EFR3A: variants seen among roughly 807,000 people sequenced by gnomAD.
The protein encoded by EFR3A is protein EFR3 homolog A.
EFR3A carries 76 observed loss-of-function variants against 104.4 expected under a neutral mutation model. That is an observed-to-expected ratio of 0.73 (90% CI 0.60 to 0.88). EFR3A has a LOEUF of 0.88. EFR3A is among the 40% of genes least tolerant of loss of function. The pLI is 0.00. For synonymous variants in EFR3A, 330 were observed against 330.0 expected (o/e 1.00, Z 0.00); for missense variants, 985 against 1,012.5 (o/e 0.97, Z 0.37).
At chr8:131,977,239 T>A (rs1820369581) in intron 12 of EFR3A, 147 bp downstream of exon 12, 1 of 538,100 alleles carries the variant, frequency 1.9e-6, no homozygotes, top group Admixed American at 4.0e-5. Context: ...TTAAAGATTA[T>A]CCAATTTTTT....
chr8:131,931,534 G>A (rs1817610903), intron 1 of EFR3A, among the ~76,000 whole-genome samples: 1 of 151,964 alleles, frequency 6.6e-6, no homozygotes, highest in Non-Finnish European at 1.5e-5. Context: ...TTTGTTTTCT[G>A]TAATGTTGAT....
intron 2 of EFR3A, among the ~76,000 whole-genome samples, chr8:131,942,986 T>C (rs979011732): frequency 6.6e-6 from 1 of 152,058 alleles, no homozygotes; most frequent in Admixed American, 6.6e-5. Flanking sequence ...GCAAAGGACA[T>C]GGGAAATCTT....
chr8:131,961,405 T>G (rs10108872), intron 8 of EFR3A, among the ~76,000 whole-genome samples: 40,667 of 151,984 alleles, frequency 0.27, 6,258 homozygotes, highest in East Asian at 0.49. Context: ...CGAGAACTAC[T>G]TGACGAATGC....
chr8:131,950,226 A>C (rs537830601), intron 5 of EFR3A, 136 bp downstream of exon 5: 2 of 957,834 alleles, frequency 2.1e-6, no homozygotes, highest in African/African-American at 1.7e-5. Context: ...AGAAGCTATA[A>C]TTGCTGACTG....
intron 1 of EFR3A, chr8:131,938,344 T>A: frequency 2.5e-6 from 1 of 397,452 alleles, no homozygotes; most frequent in Non-Finnish European, 4.4e-6. Flanking sequence ...TTTTACTTGT[T>A]CTGATATTTA....
intron 1 of EFR3A, among the ~76,000 whole-genome samples, chr8:131,905,414 A>G (rs555912103): frequency 6.6e-6 from 1 of 152,288 alleles, no homozygotes; most frequent in Non-Finnish European, 1.5e-5. Context: ...TTTTCCTGAT[A>G]TTTAAGGATA....
chr8:131,976,469 A>T (rs12550644), intron 11 of EFR3A, among the ~76,000 whole-genome samples: 61,479 of 151,962 alleles, frequency 0.4, 12,974 homozygotes, highest in Middle Eastern at 0.54. Flanking sequence ...TATATCAGAA[A>T]TATTGGCTTA....
chr8:131,988,497 A>G (rs563332158), intron 18 of EFR3A, among the ~76,000 whole-genome samples: 24 of 152,006 alleles, frequency 1.6e-4, no homozygotes, highest in Non-Finnish European at 2.9e-4. Context: ...GTACAGTAAT[A>G]GTTGTTCATA....
At chr8:131,996,991 G>T (rs1821527742) in intron 19 of EFR3A, among the ~76,000 whole-genome samples, 2 of 152,028 alleles carry the variant, frequency 1.3e-5, no homozygotes, top group Admixed American at 1.3e-4. Context: ...GGATAGTAAG[G>T]ATGTTGTTTA....
At chr8:132,002,419 G>C (rs1329143330) in intron 20 of EFR3A, among the ~76,000 whole-genome samples, 184 bp from the exon 21 acceptor site, 1 of 152,088 alleles carries the variant, frequency 6.6e-6, no homozygotes, top group Admixed American at 6.6e-5. Context: ...GTTTTTGTGT[G>C]TGTGTGCTTT....
At chr8:131,956,549 T>G (rs768352351) in intron 7 of EFR3A, among the ~76,000 whole-genome samples, 8 of 152,166 alleles carry the variant, frequency 5.3e-5, no homozygotes, top group Non-Finnish European at 1.0e-4. Flanking sequence ...TCTGGACATT[T>G]TTGCTAGTCT....
rs146078088 is a variant in EFR3A, at chr8:131,996,475, A to G, written c.2135A>G (p.Asn712Ser). ...TCCATTCAGGTGGATATTTTATCCA[A>G]CAATGTTCCTTCTGATGATGTGGTA... ...TVSIQVDILS[N>S]NVPSDDVVSN... Residue 712 changes from asparagine (N) to serine (S), a missense_variant, in exon 19 of 23, where the codon AAC (asparagine) becomes AGC (serine). By Grantham distance (46) the Asn-to-Ser change is conservative (BLOSUM62 1). Coordinates refer to ENST00000254624, the MANE Select transcript of EFR3A (RefSeq NM_015137.6). The G allele has an allele frequency of 1.2e-5, 19 of 1,599,324 alleles. No individual in the cohort carries two copies. Among genetic ancestry groups the G allele is most frequent in the Admixed American group, 6.9e-5 (4 of 57,888 alleles).
chr8:131,965,881 A>G (rs1041488442), intron 8 of EFR3A, among the ~76,000 whole-genome samples: 3 of 152,146 alleles, frequency 2.0e-5, no homozygotes, highest in African/African-American at 7.2e-5. Context: ...CTATGCAGCC[A>G]TAAAAAATGA....
At position 131,970,554 on chromosome 8, in the gene EFR3A, A is replaced by C. The variant is rs777020782; in HGVS notation, c.1070A>C (p.Gln357Pro). ...LSVEFEANDL[Q>P]GGSVGSVNLN... ...GTTGAATTCGAAGCAAATGATTTAC[A>C]GGGGGGATCTGTAGGCAGTGTCAAC... The change falls in exon 10 of 23, where the codon CAG becomes CCG. Residue 357 changes from glutamine (Q) to proline (P), a missense_variant. Transcript: ENST00000254624. The C allele has an allele frequency of 1.2e-6, 2 of 1,613,650 alleles. No individual in the cohort carries two copies. The highest frequency in any genetic ancestry group is 1.7e-6 in the Non-Finnish European group (2 of 1,179,728).
intron 1 of EFR3A, among the ~76,000 whole-genome samples, chr8:131,920,818 C>T (rs140913453): frequency 6.6e-6 from 1 of 151,868 alleles, no homozygotes; most frequent in Admixed American, 6.6e-5. Context: ...ATATTATTGT[C>T]TTTCTGATTC....
chr8:131,996,376 A>C, intron 18 of EFR3A, 30 bp from the exon 19 acceptor site: 1 of 1,353,016 alleles, frequency 7.4e-7, no homozygotes, highest in Non-Finnish European at 1.0e-6. Flanking sequence ...ATTTCTAGCA[A>C]ATAATGGGAA....
chr8:131,914,991 T>C (rs1816681375), intron 1 of EFR3A, among the ~76,000 whole-genome samples: 1 of 152,224 alleles, frequency 6.6e-6, no homozygotes, highest in Non-Finnish European at 1.5e-5. Context: ...GATCTCCTTC[T>C]TTATTATGGC....
intron 5 of EFR3A, 123 bp downstream of exon 5, chr8:131,950,213 G>A: frequency 9.5e-7 from 1 of 1,052,082 alleles, no homozygotes; most frequent in Non-Finnish European, 1.3e-6. Context: ...TTCCATTGCT[G>A]TTAGAAGCTA....
In EFR3A at chr8:132,003,284, C is replaced by T. The variant is rs543264274; in HGVS notation, c.2359C>T (p.Arg787Cys). 6.2e-6 allele frequency: 10 copies of T among 1,611,978 alleles called. No individual in the cohort carries two copies. Among genetic ancestry groups the T allele is most frequent in the East Asian group, 4.5e-5 (2 of 44,780 alleles). Reference sequence around the variant, plus strand: ...TGCCCAAATATTGGAACTCACCATACGGTAAGGGTTTTGTTATCACAATAG... The same window carrying T: ...TGCCCAAATATTGGAACTCACCATATGGTAAGGGTTTTGTTATCACAATAG... ...RLAQILELTI[R>C]PPPSPSGTLT... Residue 787 changes from arginine (R) to cysteine (C), a missense_variant and splice_region_variant, in exon 22 of 23, where the codon CGT becomes TGT. Physicochemically the swap from Arg to Cys is radical, Grantham distance 180. Coordinates refer to ENST00000254624, the MANE Select transcript of EFR3A (RefSeq NM_015137.6).
Sources: allele counts gnomAD v4.1 joint callset (sites outside exome capture counted in the v4.1 genomes callset), GRCh38; gene constraint gnomAD v4.1.1; transcripts MANE v1.5; gene names NCBI Gene and HGNC (gene_info 2026-07-23, HGNC 2026-07-21).